The following TRIO variants were observed in gnomAD, a reference collection of about 807,000 sequenced individuals.
The protein encoded by TRIO is trio Rho guanine nucleotide exchange factor, also known as triple functional domain protein.
In TRIO, 58 loss-of-function variants were observed where a neutral mutation model predicts 351.9. The ratio of observed to expected loss-of-function variants is 0.16; its 90% confidence interval spans 0.13 to 0.21. TRIO has a LOEUF of 0.21. TRIO is among the 10% of genes least tolerant of loss of function. TRIO has a pLI of 1.00. For synonymous variants in TRIO, 1,758 were observed against 1,595.7 expected, an observed-to-expected ratio of 1.10 and a Z score of -2.42; for missense variants, 3,201 against 4,027.8, an observed-to-expected ratio of 0.79 and a Z score of 5.56.
chr5:14,231,099 T>C (rs1337415169), intron 1 of TRIO, among the ~76,000 whole-genome samples: 3 of 152,248 alleles, frequency 2.0e-5, no homozygotes, highest in African/African-American at 7.2e-5. Flanking sequence ...CTTTTAACAA[T>C]CCAAAGGTTT....
chr5:14,495,660 A>AG (rs1561559968), intron 49 of TRIO, among the ~76,000 whole-genome samples: 1 of 122,870 alleles, frequency 8.1e-6, no homozygotes, highest in Admixed American at 7.8e-5. Flanking sequence ...CTCTACTAGA[A>AG]AAAAAAAAAA....
intron 48 of TRIO, 50 bp downstream of exon 48, chr5:14,488,310 G>GCCAGCTCTAAACGCCACC (rs1376750396): frequency 7.0e-7 from 1 of 1,424,900 alleles, no homozygotes; most frequent in African/African-American, 1.5e-5. Context: ...CCTCTGTCCC[G>GCCAGCTCTAAACGCCACC]CCAGCTCTAA....
At chr5:14,167,623 C>T (rs563265668) in intron 1 of TRIO, among the ~76,000 whole-genome samples, 5 of 152,304 alleles carry the variant, frequency 3.3e-5, no homozygotes, top group African/African-American at 1.2e-4. Context: ...TTTCTGGGGC[C>T]TGCCTTGGAA....
chr5:14,373,923 C>T (rs142141720), intron 18 of TRIO, among the ~76,000 whole-genome samples: 2 of 152,328 alleles, frequency 1.3e-5, no homozygotes, highest in South Asian at 2.1e-4. Flanking sequence ...GCAAACCTCT[C>T]TAGACTGGAC....
chr5:14,380,542 A>G (rs1746010514), intron 20 of TRIO, among the ~76,000 whole-genome samples: 1 of 152,158 alleles, frequency 6.6e-6, no homozygotes. Flanking sequence ...GAAAAGGCTC[A>G]TAGTAGTGGT....
chr5:14,266,589 A>G (rs1795691891), intron 1 of TRIO, among the ~76,000 whole-genome samples: 1 of 152,366 alleles, frequency 6.6e-6, no homozygotes, highest in East Asian at 1.9e-4. Context: ...AGGTGGTAAC[A>G]GAATTAATTT....
At chr5:14,253,574 G>A (rs1384002645) in intron 1 of TRIO, among the ~76,000 whole-genome samples, 2 of 152,122 alleles carry the variant, frequency 1.3e-5, no homozygotes, top group Non-Finnish European at 2.9e-5. Context: ...CCTGAGCTCA[G>A]GTGATCTGCC....
chr5:14,470,709 C>T (rs1754619179), intron 37 of TRIO, among the ~76,000 whole-genome samples: 3 of 152,194 alleles, frequency 2.0e-5, no homozygotes, highest in Non-Finnish European at 2.9e-5. Flanking sequence ...GTAATTAAGA[C>T]AAGCACGATT....
intron 1 of TRIO, among the ~76,000 whole-genome samples, chr5:14,192,876 ATTAC>A (rs1436240576): frequency 6.6e-6 from 1 of 152,272 alleles, no homozygotes; most frequent in Non-Finnish European, 1.5e-5. Context: ...GTTGGAAATG[ATTAC>A]TTTGCAAGTC....
intron 34 of TRIO, among the ~76,000 whole-genome samples, chr5:14,427,426 C>T (rs1373284482): frequency 6.6e-6 from 1 of 152,186 alleles, no homozygotes; most frequent in Non-Finnish European, 1.5e-5. Context: ...TCTCAGGAAC[C>T]CCCAGCCCAA....
chr5:14,424,330 G>T (rs575340690), intron 34 of TRIO, among the ~76,000 whole-genome samples: 3 of 152,230 alleles, frequency 2.0e-5, no homozygotes, highest in South Asian at 2.1e-4. Context: ...ATGTCTAGAA[G>T]AAAACACCCA....
chr5:14,253,324 G>T (rs1026250462), intron 1 of TRIO, among the ~76,000 whole-genome samples: 1 of 152,168 alleles, frequency 6.6e-6, no homozygotes, highest in East Asian at 1.9e-4. Context: ...AGGATTGAAG[G>T]TATGTAGTGA....
At chr5:14,393,912 C>CT (rs370259510) in intron 27 of TRIO, 126 bp from the exon 28 acceptor site, 285 of 525,494 alleles carry the variant, frequency 5.4e-4, no homozygotes, top group African/African-American at 5.0e-3. Context: ...GAAAAGGAAA[C>CT]TTTATTATTT....
At chr5:14,319,238 T>C (rs1407486785) in intron 9 of TRIO, among the ~76,000 whole-genome samples, 2 of 152,244 alleles carry the variant, frequency 1.3e-5, no homozygotes, top group African/African-American at 4.8e-5. Context: ...AAAATAGATA[T>C]TGCTCATTAA....
chr5:14,184,717 C>T (rs1028060172), intron 1 of TRIO, among the ~76,000 whole-genome samples: 1 of 152,054 alleles, frequency 6.6e-6, no homozygotes, highest in African/African-American at 2.4e-5. Flanking sequence ...AGTACATAGC[C>T]TATGTAGTTA....
intron 34 of TRIO, among the ~76,000 whole-genome samples, chr5:14,425,045 A>G (rs999085587): frequency 1.3e-5 from 2 of 152,212 alleles, no homozygotes; most frequent in Non-Finnish European, 2.9e-5. Flanking sequence ...TGCCCACCAC[A>G]GTTTTTAAAA....
At position 14,398,897 on chromosome 5, in the gene TRIO, G is replaced by A; in HGVS notation, c.4441G>A (p.Glu1481Lys). The change falls in exon 30 of 57, where the codon GAG becomes AAG. Residue 1481 changes from glutamate to lysine, a missense_variant. Glu to Lys is a moderately conservative substitution (Grantham distance 56). This residue lies in a region of TRIO where 115 missense variants were observed against 239.6 expected (regional missense o/e 0.48). Coordinates refer to ENST00000344204, the MANE Select transcript of TRIO (RefSeq NM_007118.4). ...TGTTGTAGGGTTTGATGAAAACATT[G>A]AGTCTCAGGGAGAACTCATCCTACA... ...SMLEGFDENI[E>K]SQGELILQES... 6.2e-7 allele frequency: 1 copy of A among 1,612,672 alleles called. No homozygotes were observed. Among genetic ancestry groups the A allele is most frequent in the South Asian group, 1.1e-5 (1 of 90,866 alleles).
chr5:14,390,365 G>C, intron 26 of TRIO, 65 bp downstream of exon 26: 1 of 1,473,156 alleles, frequency 6.8e-7, no homozygotes, highest in Non-Finnish European at 9.4e-7. Context: ...AGTTAGGAGG[G>C]ATGGTCTTCA....
At chr5:14,187,271 T>C (rs1051396022) in intron 1 of TRIO, among the ~76,000 whole-genome samples, 1 of 152,262 alleles carries the variant, frequency 6.6e-6, no homozygotes, top group Non-Finnish European at 1.5e-5. Flanking sequence ...ACTACAGATC[T>C]AATGCCCAGC....
Sources: allele counts gnomAD v4.1 joint callset (sites outside exome capture counted in the v4.1 genomes callset), GRCh38; gene constraint gnomAD v4.1.1; regional missense constraint gnomAD v4.1.1; transcripts MANE v1.5; gene names NCBI Gene and HGNC (gene_info 2026-07-23, HGNC 2026-07-21).